The following CEP41 variants were observed in gnomAD, a reference collection of about 807,000 sequenced individuals.
CEP41 encodes centrosomal protein 41.
A neutral mutation model predicts 44.3 loss-of-function variants in CEP41; 32 were observed. That is an observed-to-expected ratio of 0.72 (90% CI 0.54 to 0.97). The LOEUF (loss-of-function observed/expected upper bound fraction) is 0.97. Ranked by LOEUF, CEP41 falls within the 50% of genes least tolerant of loss-of-function variation. CEP41 has a pLI of 0.00. For synonymous variants in CEP41, 151 were observed against 168.5 expected (o/e 0.90, Z 0.80); for missense variants, 432 against 455.2 (o/e 0.95, Z 0.46).
At chr7:130,419,576 T>C (rs1797438951) in intron 2 of CEP41, 1 of 984,328 alleles carries the variant, frequency 1.0e-6, no homozygotes, top group Non-Finnish European at 1.2e-6. Context: ...AGAACCAATT[T>C]TTTTTAAAAA....
chr7:130,394,911 C>T lies in CEP41; in HGVS notation c.*3980G>A, dbSNP rs1562971469. ...CCACAGCATTTGAGAAGTGGCCTCT[C>T]TTTGCCTCACATTTTACCAGGTGCT... is the stretch of plus-strand genomic sequence containing the variant. On this transcript the variant is annotated 3_prime_UTR_variant, in exon 11 of 11. Transcript: ENST00000223208. 2.2e-6 allele frequency: 1 copy of T among 454,126 alleles called. No homozygotes were observed. The highest frequency in any genetic ancestry group is 4.4e-6 in the Non-Finnish European group (1 of 226,802). 28.1% of individuals were successfully genotyped at this position (454,126 alleles called of 1,614,324 possible). A position where few individuals can be genotyped will look rare whatever the true frequency, so the allele number is the denominator to read the frequency against.
chr7:130,402,369 A>G (rs898937888), intron 7 of CEP41, among the ~76,000 whole-genome samples: 1 of 151,630 alleles, frequency 6.6e-6, no homozygotes, highest in Non-Finnish European at 1.5e-5. Context: ...AAAAAAATCA[A>G]CAAGCCATAA....
At chr7:130,416,894 C>T (rs1554421017) in intron 3 of CEP41, 25 bp downstream of exon 3, 7 of 1,550,634 alleles carry the variant, frequency 4.5e-6, no homozygotes. Context: ...TTCCACTCTC[C>T]CAAACCATCA....
At chr7:130,426,023 G>A (rs1797650921) in intron 2 of CEP41, among the ~76,000 whole-genome samples, 1 of 152,188 alleles carries the variant, frequency 6.6e-6, no homozygotes, top group Non-Finnish European at 1.5e-5. Flanking sequence ...GTTATAAAAG[G>A]GCAACATAAG....
intron 2 of CEP41, among the ~76,000 whole-genome samples, chr7:130,425,749 C>T (rs915197198): frequency 4.6e-5 from 7 of 152,156 alleles, no homozygotes; most frequent in Non-Finnish European, 1.5e-5. Context: ...GGAAACAACC[C>T]CGATGTCCTT....
In CEP41 at chr7:130,411,106, C is replaced by G. The variant is rs782272723; in HGVS notation, c.277+16G>C. On this transcript the variant is annotated intron_variant, in intron 5 of 10. Coordinates refer to ENST00000223208, the MANE Select transcript of CEP41 (RefSeq NM_018718.3). ...GGTCAGCCTGTTATTTTCCCCACAC[C>G]CTCAATTCTCATTACCTTCCAGCCT... The G allele has an allele frequency of 5.8e-5, 93 of 1,611,894 alleles. No homozygotes were observed. Among genetic ancestry groups the G allele is most frequent in the Non-Finnish European group, 7.6e-5 (90 of 1,178,078 alleles).
At chr7:130,431,789 C>T (rs1554425141) in intron 1 of CEP41, among the ~76,000 whole-genome samples, 1 of 152,054 alleles carries the variant, frequency 6.6e-6, no homozygotes, top group African/African-American at 2.4e-5. Context: ...CGGGGACAAA[C>T]GATGCTGGAG....
In CEP41 at chr7:130,420,912, A is replaced by G. The variant is rs976354631; in HGVS notation, c.98-3946T>C. 6 of 976,108 alleles carry G rather than the reference A, an allele frequency of 6.1e-6. No homozygotes were observed. The East Asian group carries it at 6.8e-4, about 111-fold the overall frequency. The allele number at this position is 976,108 out of a possible 1,614,324, so 60.5% of individuals were successfully genotyped here. A position where few individuals can be genotyped will look rare whatever the true frequency, so the allele number is the denominator to read the frequency against. On this transcript the variant is annotated intron_variant, in intron 2 of 10. Coordinates refer to ENST00000223208, the MANE Select transcript of CEP41 (RefSeq NM_018718.3). ...CCCAATTTGGTCTGAGTTTCTGCAC[A>G]CCTGATTTTCTTTAAACTATGTACA...
chr7:130,414,860 A>G (rs1797287216), intron 3 of CEP41, among the ~76,000 whole-genome samples: 1 of 152,246 alleles, frequency 6.6e-6, no homozygotes, highest in Non-Finnish European at 1.5e-5. Context: ...AGCTTCTGCT[A>G]TGTGTCTTCT....
upstream of CEP41, chr7:130,441,075 G>A (rs1268502318): frequency 5.5e-6 from 7 of 1,279,906 alleles, no homozygotes; most frequent in Admixed American, 7.0e-5. Flanking sequence ...CCTCTTCTCC[G>A]ATTGGCCCGT....
intron 1 of CEP41, among the ~76,000 whole-genome samples, chr7:130,430,536 G>A (rs1418687344): frequency 6.6e-6 from 1 of 152,138 alleles, no homozygotes; most frequent in Non-Finnish European, 1.5e-5. Context: ...CTTCCCTAGA[G>A]AAAGACAGAG....
chr7:130,419,713 T>TTTG (rs1797443991), intron 2 of CEP41: 1 of 985,246 alleles, frequency 1.0e-6, no homozygotes, highest in Admixed American at 6.2e-5. Context: ...GCTCTAGCAC[T>TTTG]GGACACCAAC....
At chr7:130,426,674 A>C (rs549013528) in intron 2 of CEP41, 7 of 456,226 alleles carry the variant, frequency 1.5e-5, no homozygotes, top group African/African-American at 1.2e-4. Context: ...AGTTGCAATT[A>C]GGGGTTAGAT....
intron 1 of CEP41, among the ~76,000 whole-genome samples, chr7:130,439,947 A>G (rs1798092410): frequency 6.6e-6 from 1 of 152,192 alleles, no homozygotes; most frequent in African/African-American, 2.4e-5. Flanking sequence ...ATTTTCTCGT[A>G]ACATCTTGCT....
Position 130,398,058 on chromosome 7 carries a change from A to C in CEP41, c.*833T>G, listed in dbSNP as rs1554415583. 1 of 454,158 alleles carries C rather than the reference A, an allele frequency of 2.2e-6. No individual in the cohort carries two copies. 28.1% of individuals were successfully genotyped at this position (454,158 alleles called of 1,614,324 possible). On this transcript the variant is annotated 3_prime_UTR_variant, in exon 11 of 11. Coordinates refer to ENST00000223208, the MANE Select transcript of CEP41 (RefSeq NM_018718.3). ...CATAATTTCTGTCCATCTAACATGG[A>C]TGGACTGAAGCTGGGCAATGGGCGT...
Position 130,397,506 on chromosome 7 carries a change from A to AT in CEP41, c.*1384dup, listed in dbSNP as rs55776575. On this transcript the variant is annotated 3_prime_UTR_variant, in exon 11 of 11. Coordinates refer to ENST00000223208, the MANE Select transcript of CEP41 (RefSeq NM_018718.3). ...CCCCATGCTAGAAATACTGTGGTGCATTTTTTTTTTTTTTTTTTTTTTTTT... is the reference window on the plus strand; with the variant it reads ...CCCCATGCTAGAAATACTGTGGTGCATTTTTTTTTTTTTTTTTTTTTTTTTT... 24,951 of 301,852 alleles carry AT rather than the reference A, an allele frequency of 0.083. 2,858 individuals carry two copies. Among genetic ancestry groups the AT allele is most frequent in the African/African-American group, 0.24 (5,174 of 21,162 alleles). The allele number at this position is 301,852 out of a possible 1,614,324, so 18.7% of individuals were successfully genotyped here.
rs1796821963 is a variant in CEP41 at position 130,400,824 on chromosome 7, A to G, written c.643-3T>C. On this transcript the variant is annotated splice_polypyrimidine_tract_variant and splice_region_variant and intron_variant, in intron 8 of 10. Transcript: ENST00000223208. ...ATGATCTTGCCATGGGCATTTTTCT[A>G]AGAGTCAGATGAGTTAAGGTTCCAA... The G allele has an allele frequency of 2.5e-6, 4 of 1,596,546 alleles. No homozygotes were observed. In the East Asian group the frequency reaches 8.9e-5, roughly 36 times the overall value.
Position 130,398,151 on chromosome 7 carries a change from G to A in CEP41, c.*740C>T, listed in dbSNP as rs553917711. The A allele has an allele frequency of 1.8e-3, 797 of 453,778 alleles. 1 individual carries two copies. Among genetic ancestry groups the A allele is most frequent in the Non-Finnish European group, 2.9e-3 (666 of 226,534 alleles). The allele number at this position is 453,778 out of a possible 1,614,324, so 28.1% of individuals were successfully genotyped here. A position where few individuals can be genotyped will look rare whatever the true frequency, so the allele number is the denominator to read the frequency against. ...GCTTCAAGGGGCACAGGCCGGTGTGGTGGCCAGGGCTTTCCCATGAGAGGC... is the reference window on the plus strand; with the variant it reads ...GCTTCAAGGGGCACAGGCCGGTGTGATGGCCAGGGCTTTCCCATGAGAGGC... On this transcript the variant is annotated 3_prime_UTR_variant, in exon 11 of 11. Transcript: ENST00000223208.
At position 130,393,944 on chromosome 7, in the gene CEP41, G is replaced by C. The variant is rs1796589371; in HGVS notation, c.*4947C>G. The C allele has an allele frequency of 2.2e-6, 1 of 453,944 alleles. No individual in the cohort carries two copies. The highest frequency in any genetic ancestry group is 2.4e-5 in the Admixed American group (1 of 42,550). 28.1% of individuals were successfully genotyped at this position (453,944 alleles called of 1,614,324 possible). A position where few individuals can be genotyped will look rare whatever the true frequency, so the allele number is the denominator to read the frequency against. On this transcript the variant is annotated 3_prime_UTR_variant, in exon 11 of 11. Transcript: ENST00000223208. ...GAAGCCCTGGAGCACCTGTCTTCAA[G>C]ATAAGACAGCAGACACAGGCGGTGG...
Sources: allele counts gnomAD v4.1 joint callset (sites outside exome capture counted in the v4.1 genomes callset), GRCh38; gene constraint gnomAD v4.1.1; transcripts MANE v1.5; gene names NCBI Gene and HGNC (gene_info 2026-07-23, HGNC 2026-07-21).